The following EDDM13 variants were observed in gnomAD, a reference collection of about 807,000 sequenced individuals.
EDDM13 encodes epididymal protein 13.
Under a neutral mutation model 17.8 loss-of-function variants are expected in EDDM13, and 24 were observed. That is an observed-to-expected ratio of 1.35 (90% CI 0.98 to 1.90). The LOEUF is 1.90. Ranked by LOEUF, EDDM13 falls within the 40% of genes most tolerant of loss-of-function variation. The probability of loss-of-function intolerance (pLI) is 0.00; values close to 1 mark genes in which losing one functional copy is unlikely to be tolerated. For synonymous variants in EDDM13, 31 were observed against 37.5 expected (o/e 0.83, Z 0.63); for missense variants, 97 against 100.8 (o/e 0.96, Z 0.16).
intron 8 of EDDM13, among the ~76,000 whole-genome samples, chr19:56,289,119 A>T (rs1453354193): frequency 2.0e-5 from 3 of 152,152 alleles, no homozygotes; most frequent in Non-Finnish European, 4.4e-5. Context: ...TGGGAAAGGG[A>T]GCCCTGGTTT....
intron 6 of EDDM13, among the ~76,000 whole-genome samples, chr19:56,285,464 T>A (rs781263469): frequency 6.6e-6 from 1 of 152,340 alleles, no homozygotes; most frequent in South Asian, 2.1e-4. Context: ...TAACTTTACC[T>A]CTTTCAAATA....
intron 14 of EDDM13, among the ~76,000 whole-genome samples, chr19:56,308,633 C>T (rs532538109): frequency 6.7e-6 from 1 of 149,930 alleles, no homozygotes; most frequent in Non-Finnish European, 1.5e-5. Context: ...CATATTAAAT[C>T]ATTTCTGATT....
intron 1 of EDDM13, among the ~76,000 whole-genome samples, 194 bp downstream of exon 1, chr19:56,273,113 T>A (rs1272542478): frequency 6.6e-6 from 1 of 152,240 alleles, no homozygotes; most frequent in Non-Finnish European, 1.5e-5. Context: ...CCCTTGGAGA[T>A]ACACTTGTGT....
intron 14 of EDDM13, among the ~76,000 whole-genome samples, chr19:56,309,570 T>G (rs2040901331): frequency 6.6e-6 from 1 of 152,208 alleles, no homozygotes; most frequent in African/African-American, 2.4e-5. Flanking sequence ...ACATAGACTG[T>G]GAGCCCCTGT....
chr19:56,299,333 A>G (rs1184348018), intron 12 of EDDM13, among the ~76,000 whole-genome samples: 2 of 151,654 alleles, frequency 1.3e-5, no homozygotes, highest in East Asian at 3.9e-4. Flanking sequence ...GGGTCTCCCT[A>G]TGTTGCCCAG....
rs1473057814 is a variant in EDDM13, at chr19:56,280,160, C to T, written c.104-1533C>T. 2.0e-5 allele frequency among the ~76,000 whole-genome samples: 3 copies of T among 152,146 alleles called. No homozygotes were observed. The East Asian group carries it at 5.8e-4, about 29-fold the overall frequency. Reference sequence around the variant, plus strand: ...TTATATATTCAAAGTCCTCTTGTTTCTATTTTTACAAAAAAGACAGCGTAT... The same window carrying T: ...TTATATATTCAAAGTCCTCTTGTTTTTATTTTTACAAAAAAGACAGCGTAT... On this transcript the variant is annotated intron_variant, in intron 2 of 14. Transcript: ENST00000649256.
chr19:56,295,571 G>T (rs899399982), intron 9 of EDDM13, among the ~76,000 whole-genome samples: 6 of 152,102 alleles, frequency 3.9e-5, no homozygotes, highest in Admixed American at 3.9e-4. Flanking sequence ...CCCCAGTCTG[G>T]GCAACAGAGC....
intron 12 of EDDM13, among the ~76,000 whole-genome samples, chr19:56,301,032 G>T (rs2040193227): frequency 6.6e-6 from 1 of 152,128 alleles, no homozygotes; most frequent in Non-Finnish European, 1.5e-5. Context: ...AGAGCCTGAA[G>T]CCTGGGGATG....
chr19:56,303,678 A>G (rs1329214249), intron 13 of EDDM13, among the ~76,000 whole-genome samples: 3 of 152,142 alleles, frequency 2.0e-5, no homozygotes, highest in Non-Finnish European at 2.9e-5. Context: ...AAGGTCCTTG[A>G]GTCCCCAGGG....
chr19:56,283,439 C>T (rs8100911), intron 4 of EDDM13: 118,906 of 152,056 alleles, frequency 0.78, 47,956 homozygotes, highest in Non-Finnish European at 0.89. Flanking sequence ...CATCCCAAGG[C>T]CACCCACTTA....
chr19:56,291,372 C>T (rs186759340), intron 9 of EDDM13, among the ~76,000 whole-genome samples: 4 of 152,296 alleles, frequency 2.6e-5, no homozygotes, highest in African/African-American at 7.2e-5. Flanking sequence ...TGGATTAATG[C>T]GTCTCTAAAG....
intron 5 of EDDM13, among the ~76,000 whole-genome samples, chr19:56,284,513 A>ATTTTTTTTTTTTTTTTTTTTTTTTT (rs11374260): frequency 1.7e-5 from 2 of 118,318 alleles, no homozygotes; most frequent in African/African-American, 3.1e-5. Context: ...GCTTGCTGTA[A>ATTTTTTTTTTTTTTTTTTTTTTTTT]TTTTTTTTTT....
intron 14 of EDDM13, among the ~76,000 whole-genome samples, chr19:56,308,113 A>G (rs2040814844): frequency 6.6e-6 from 1 of 152,226 alleles, no homozygotes; most frequent in Admixed American, 6.5e-5. Flanking sequence ...GGCTCACTGC[A>G]ACCTCCGCCT....
At position 56,310,193 on chromosome 19, in the gene EDDM13, C is replaced by T. The variant is rs1190396798; in HGVS notation, c.*45C>T. 6.6e-6 allele frequency: 1 copy of T among 152,338 alleles called. No individual in the cohort carries two copies. The highest frequency in any genetic ancestry group is 2.4e-5 in the African/African-American group (1 of 41,462). 9.4% of individuals were successfully genotyped at this position (152,338 alleles called of 1,614,324 possible). ...CTTAGCCTTCACAAGGCCTCCATCT[C>T]CCAGGCATTCTAACCTCTGAAGAAA... On this transcript the variant is annotated 3_prime_UTR_variant, in exon 15 of 15. Transcript: ENST00000649256.
intron 1 of EDDM13, among the ~76,000 whole-genome samples, chr19:56,275,145 A>T (rs934283615): frequency 1.3e-5 from 2 of 152,146 alleles, no homozygotes; most frequent in Non-Finnish European, 2.9e-5. Flanking sequence ...AGGTTTCTCC[A>T]CTGTTAAGTT....
chr19:56,302,483 CCCA>C (rs2147268346), intron 13 of EDDM13, among the ~76,000 whole-genome samples: 1 of 140,934 alleles, frequency 7.1e-6, no homozygotes, highest in South Asian at 2.4e-4. Context: ...CTTCTTCCTT[CCCA>C]TCCTTCTTCC....
intron 12 of EDDM13, among the ~76,000 whole-genome samples, chr19:56,298,679 CTCTA>C (rs1239476019): frequency 2.0e-5 from 3 of 151,804 alleles, no homozygotes; most frequent in Non-Finnish European, 4.4e-5. Context: ...CTGAATAATC[CTCTA>C]TCTATTAAAG....
intron 9 of EDDM13, among the ~76,000 whole-genome samples, chr19:56,293,295 G>A (rs2039641110): frequency 6.6e-6 from 1 of 152,160 alleles, no homozygotes; most frequent in African/African-American, 2.4e-5. Flanking sequence ...AGAGTCGCTT[G>A]CTCATGGTCA....
chr19:56,294,808 A>G (rs889046965), intron 9 of EDDM13, among the ~76,000 whole-genome samples: 1 of 152,250 alleles, frequency 6.6e-6, no homozygotes, highest in Non-Finnish European at 1.5e-5. Context: ...AGCCACAAAG[A>G]AAGTGCTGAC....
Sources: gnomAD v4.1 joint callset for allele counts (sites outside exome capture counted in the v4.1 genomes callset) on GRCh38, gnomAD v4.1.1 for gene constraint, MANE v1.5 for transcripts, NCBI Gene and HGNC (gene_info 2026-07-23, HGNC 2026-07-21) for gene names.